Variants in PTPN14 observed in about 807,000 individuals in gnomAD.
The protein encoded by PTPN14 is tyrosine-protein phosphatase non-receptor type 14.
In PTPN14, 53 loss-of-function variants were observed where a neutral mutation model predicts 126.8. The ratio of observed to expected loss-of-function variants is 0.42; its 90% CI spans 0.34 to 0.53. The LOEUF is 0.53. Ranked by LOEUF, PTPN14 falls within the 20% of genes least tolerant of loss-of-function variation. The pLI, the probability that PTPN14 is intolerant of heterozygous loss-of-function variation, is 0.08. For missense variants in PTPN14, 1,257 were observed against 1,552.9 expected, an observed-to-expected ratio of 0.81 and a Z score of 3.20; for synonymous variants, 630 against 599.3, an observed-to-expected ratio of 1.05 and a Z score of -0.75.
chr1:214,493,486 T>C (rs1378834583), intron 1 of PTPN14, among the ~76,000 whole-genome samples: 1 of 152,104 alleles, frequency 6.6e-6, no homozygotes, highest in East Asian at 1.9e-4. Flanking sequence ...TCAAAATAGC[T>C]CATGTGCTCC....
intron 9 of PTPN14, among the ~76,000 whole-genome samples, 185 bp from the exon 10 acceptor site, chr1:214,393,962 C>A (rs1377553804): frequency 6.6e-6 from 1 of 152,184 alleles, no homozygotes; most frequent in Non-Finnish European, 1.5e-5. Flanking sequence ...ACAAAGCCTG[C>A]CAAAGAGTGG....
At chr1:214,389,243 A>T (rs3002298) in intron 11 of PTPN14, among the ~76,000 whole-genome samples, 124,660 of 152,186 alleles carry the variant, frequency 0.82, 51,775 homozygotes, top group African/African-American at 0.96. Context: ...TTTAAAAAAA[A>T]CCAATAAGTA....
At chr1:214,438,985 C>G (rs1477654234) in intron 3 of PTPN14, among the ~76,000 whole-genome samples, 1 of 152,180 alleles carries the variant, frequency 6.6e-6, no homozygotes, top group Non-Finnish European at 1.5e-5. Context: ...GTTTACAGAG[C>G]CTGACCAAGA....
In PTPN14 at chr1:214,413,963, T is replaced by C. The variant is rs556381979; in HGVS notation, c.442+666A>G. On this transcript the variant is annotated intron_variant, in intron 4 of 18. Coordinates refer to ENST00000366956, the MANE Select transcript of PTPN14 (RefSeq NM_005401.5). ...GGATTACAGGCATGAGCCACCGCGC[T>C]GGCCTATCTTGCTTTCAATATGGCC... Among the ~76,000 whole-genome samples, 6 of 147,302 alleles carry C rather than the reference T, an allele frequency of 4.1e-5. No homozygotes were observed. In the South Asian group the frequency reaches 1.2e-3, roughly 31 times the overall value.
intron 1 of PTPN14, among the ~76,000 whole-genome samples, chr1:214,487,617 G>A (rs1356206476): frequency 8.6e-6 from 1 of 116,212 alleles, no homozygotes; most frequent in African/African-American, 3.4e-5. Flanking sequence ...CTGGGAGACA[G>A]AGCAAGACTC....
chr1:214,364,805 G>GTGTGTGTGTGTGTGTA lies in PTPN14; in HGVS notation c.3272-131_3272-130insTACACACACACACACA. 1.2e-6 allele frequency: 1 copy of GTGTGTGTGTGTGTGTA among 830,430 alleles called. No homozygotes were observed. The highest frequency in any genetic ancestry group is 1.8e-6 in the Non-Finnish European group (1 of 556,510). 51.4% of individuals were successfully genotyped at this position (830,430 alleles called of 1,614,324 possible). A position where few individuals can be genotyped will look rare whatever the true frequency, so the allele number is the denominator to read the frequency against. ...TGTGTGTGTGTGTGTGTGTGTGTGTGTTTTAAGTGACAATAATTTATAGTT... is the reference window on the plus strand; with the variant it reads ...TGTGTGTGTGTGTGTGTGTGTGTGTGTGTGTGTGTGTGTGTATTTTAAGTGACAATAATTTATAGTT... On this transcript the variant is annotated intron_variant, in intron 17 of 18. Transcript: ENST00000366956. This position sits in a 1 kb window ranked among gnomAD's most constrained non-coding sequence, Gnocchi z 4.1.
At chr1:214,394,155 G>T (rs1484466174) in intron 9 of PTPN14, among the ~76,000 whole-genome samples, 1 of 152,206 alleles carries the variant, frequency 6.6e-6, no homozygotes, top group Non-Finnish European at 1.5e-5. Flanking sequence ...TGGCTCTCGA[G>T]GAGGCACTCA....
At chr1:214,438,361 G>A (rs1659965712) in intron 3 of PTPN14, among the ~76,000 whole-genome samples, 1 of 152,184 alleles carries the variant, frequency 6.6e-6, no homozygotes, top group Non-Finnish European at 1.5e-5. Context: ...CTCTGCAGCA[G>A]ATCTGCTCCC....
At chr1:214,392,971 A>C (rs1401650576) in intron 10 of PTPN14, among the ~76,000 whole-genome samples, 1 of 152,220 alleles carries the variant, frequency 6.6e-6, no homozygotes, top group Non-Finnish European at 1.5e-5. Flanking sequence ...TTGAAACAAA[A>C]TTAAACACAT....
intron 3 of PTPN14, among the ~76,000 whole-genome samples, chr1:214,424,012 T>C (rs1659603603): frequency 6.8e-6 from 1 of 145,986 alleles, no homozygotes; most frequent in African/African-American, 2.6e-5. Context: ...AAAATCAGAG[T>C]ACTGGCCGGG....
At chr1:214,413,579 C>G in intron 4 of PTPN14, among the ~76,000 whole-genome samples, 1 of 152,206 alleles carries the variant, frequency 6.6e-6, no homozygotes, top group Non-Finnish European at 1.5e-5. Context: ...CTCACACTTG[C>G]AGATAAGCTG....
In PTPN14 at chr1:214,384,358, A is replaced by C. The variant is rs1225770697; in HGVS notation, c.1497T>G (p.Pro499=). The C allele has an allele frequency of 1.2e-6, 2 of 1,614,092 alleles. No homozygotes were observed. The highest frequency in any genetic ancestry group is 1.3e-5 in the African/African-American group (1 of 74,994). The change falls in exon 13 of 19, where the codon CCT becomes CCG. Residue 499 remains proline, a synonymous_variant. Transcript: ENST00000366956. This position sits in a 1 kb window ranked among gnomAD's most constrained non-coding sequence, Gnocchi z 5.3. ...TGCTGTAGACCCCCTGTGGCCCATA[A>C]GGGACAGTGTAGGGGTGCCTCTCCC... The part of the protein sequence containing the change: ...EMRERHPYTV[P]YGPQGVYSNK...
chr1:214,402,190 C>A (rs1659034111), intron 6 of PTPN14, among the ~76,000 whole-genome samples: 1 of 151,654 alleles, frequency 6.6e-6, no homozygotes, highest in African/African-American at 2.4e-5. Context: ...ATAATCCCAG[C>A]ACTTTGGGAG....
intron 1 of PTPN14, among the ~76,000 whole-genome samples, chr1:214,490,022 A>G (rs1054856733): frequency 6.6e-6 from 1 of 152,326 alleles, no homozygotes; most frequent in African/African-American, 2.4e-5. Context: ...TACTAGTAAT[A>G]AAGTATAGGC....
chr1:214,539,565 C>T (rs1647813162), intron 1 of PTPN14, among the ~76,000 whole-genome samples: 1 of 152,142 alleles, frequency 6.6e-6, no homozygotes, highest in Non-Finnish European at 1.5e-5. Context: ...ATGTTGAATA[C>T]ATATACGGTA....
chr1:214,535,959 T>C (rs1338190961), intron 1 of PTPN14, among the ~76,000 whole-genome samples: 1 of 152,180 alleles, frequency 6.6e-6, no homozygotes, highest in Non-Finnish European at 1.5e-5. Flanking sequence ...CACAAAAATG[T>C]TCACTATATC....
At chr1:214,462,765 G>A (rs971252330) in intron 2 of PTPN14, among the ~76,000 whole-genome samples, 1 of 152,116 alleles carries the variant, frequency 6.6e-6, no homozygotes, top group Non-Finnish European at 1.5e-5. Context: ...TGTCTTGAAG[G>A]TAAAATTGTA....
At chr1:214,500,404 C>G (rs1654653525) in intron 1 of PTPN14, among the ~76,000 whole-genome samples, 1 of 152,146 alleles carries the variant, frequency 6.6e-6, no homozygotes, top group Admixed American at 6.5e-5. Flanking sequence ...CCCAGATTTT[C>G]CTAGTTCTTT....
intron 1 of PTPN14, among the ~76,000 whole-genome samples, chr1:214,518,319 C>T (rs932186650): frequency 1.3e-5 from 2 of 152,156 alleles, no homozygotes; most frequent in African/African-American, 4.8e-5. Flanking sequence ...ATAAAAGAAA[C>T]TCCCTAACCA....
Sources: allele counts gnomAD v4.1 joint callset (sites outside exome capture counted in the v4.1 genomes callset), GRCh38; gene constraint gnomAD v4.1.1; non-coding constraint Gnocchi (gnomAD v3.1); transcripts MANE v1.5; gene names NCBI Gene and HGNC (gene_info 2026-07-23, HGNC 2026-07-21).